The following DCC variants were observed in gnomAD, a reference collection of about 807,000 sequenced individuals.
The protein encoded by DCC is netrin receptor DCC.
A neutral mutation model predicts 172.5 loss-of-function variants in DCC; 58 were observed. The ratio of observed to expected loss-of-function variants is 0.34; its 90% CI spans 0.27 to 0.42. DCC has a LOEUF of 0.42. DCC is among the 10% of genes least tolerant of loss of function. The pLI, the probability that DCC is intolerant of heterozygous loss-of-function variation, is 1.00. For missense variants in DCC, 1,740 were observed against 1,791.0 expected (o/e 0.97, Z 0.51); for synonymous variants, 709 against 644.5 (o/e 1.10, Z -1.52).
At chr18:52,683,785 A>G (rs540805171) in intron 1 of DCC, among the ~76,000 whole-genome samples, 2 of 152,182 alleles carry the variant, frequency 1.3e-5, no homozygotes, top group African/African-American at 4.8e-5. Flanking sequence ...ACATCTCCCT[A>G]TGCTCAGTCA....
intron 1 of DCC, among the ~76,000 whole-genome samples, chr18:52,495,958 C>T (rs905328531): frequency 6.6e-6 from 1 of 151,912 alleles, no homozygotes; most frequent in Non-Finnish European, 1.5e-5. Context: ...ACCCTGCTTT[C>T]TATGTTTATA....
intron 25 of DCC, among the ~76,000 whole-genome samples, chr18:53,471,878 A>G (rs1435688996): frequency 1.3e-5 from 2 of 151,634 alleles, no homozygotes; most frequent in African/African-American, 2.4e-5. Flanking sequence ...GCATTACACT[A>G]TTCTATTTGT....
At chr18:53,395,299 A>G (rs1908855938) in intron 17 of DCC, among the ~76,000 whole-genome samples, 1 of 152,210 alleles carries the variant, frequency 6.6e-6, no homozygotes, top group South Asian at 2.1e-4. Flanking sequence ...AAACTCAGTA[A>G]TTCATGGTAT....
At chr18:53,370,625 T>G (rs962798786) in intron 15 of DCC, among the ~76,000 whole-genome samples, 2 of 151,922 alleles carry the variant, frequency 1.3e-5, no homozygotes, top group African/African-American at 2.4e-5. Context: ...CTTTGTTGTT[T>G]AAGAGTGTAT....
chr18:52,599,476 T>G (rs74397873), intron 1 of DCC, among the ~76,000 whole-genome samples: 1 of 152,088 alleles, frequency 6.6e-6, no homozygotes, highest in African/African-American at 2.4e-5. Flanking sequence ...TTTCACAGAT[T>G]TTTCACATGT....
Position 52,460,723 on chromosome 18 carries a change from A to T in DCC, c.91+119845A>T, listed in dbSNP as rs368770079. Among the ~76,000 whole-genome samples, 6 of 152,314 alleles carry T rather than the reference A, an allele frequency of 3.9e-5. 1 individual carries two copies. The South Asian group carries it at 1.0e-3, about 26-fold the overall frequency. ...GAATACTACAGGCAATTGCAACAAA[A>T]TGGTGTTTGTGTATCCAAAATATCT... On this transcript the variant is annotated intron_variant, in intron 1 of 28. Transcript: ENST00000442544.
chr18:53,152,753 G>C (rs1002265995), intron 7 of DCC, among the ~76,000 whole-genome samples: 1 of 152,184 alleles, frequency 6.6e-6, no homozygotes, highest in Non-Finnish European at 1.5e-5. Context: ...TCTTTATTGA[G>C]ACCTTATTTG....
chr18:53,341,348 A>G (rs2057657291), intron 15 of DCC, among the ~76,000 whole-genome samples: 1 of 152,198 alleles, frequency 6.6e-6, no homozygotes, highest in African/African-American at 2.4e-5. Context: ...TCGTTACCAA[A>G]AAAAACTTGC....
intron 21 of DCC, among the ~76,000 whole-genome samples, chr18:53,417,152 A>G (rs1233289924): frequency 1.3e-5 from 2 of 152,210 alleles, no homozygotes; most frequent in African/African-American, 4.8e-5. Context: ...TTCTTTCAAC[A>G]GGAATACTTT....
intron 1 of DCC, among the ~76,000 whole-genome samples, chr18:52,350,569 AC>A (rs1984076379): frequency 1.3e-5 from 2 of 152,106 alleles, no homozygotes; most frequent in African/African-American, 2.4e-5. Flanking sequence ...GAGAAATAAG[AC>A]AGGCTGATGG....
At chr18:52,863,245 A>G (rs2039171816) in intron 2 of DCC, among the ~76,000 whole-genome samples, 1 of 151,884 alleles carries the variant, frequency 6.6e-6, no homozygotes, top group Non-Finnish European at 1.5e-5. Context: ...TTTCTTATAC[A>G]CTTTGCATAC....
intron 27 of DCC, among the ~76,000 whole-genome samples, chr18:53,517,872 C>T (rs1036581056): frequency 4.6e-5 from 7 of 152,032 alleles, no homozygotes; most frequent in Admixed American, 2.0e-4. Flanking sequence ...GTTTGAAATT[C>T]GATCACTTAT....
chr18:53,494,461 TC>T (rs1378404316), intron 26 of DCC, among the ~76,000 whole-genome samples: 1 of 152,218 alleles, frequency 6.6e-6, no homozygotes, highest in Non-Finnish European at 1.5e-5. Flanking sequence ...TCTTTGTAGG[TC>T]TATAAGAACT....
At chr18:52,721,889 G>A (rs1389796483) in intron 1 of DCC, among the ~76,000 whole-genome samples, 1 of 152,110 alleles carries the variant, frequency 6.6e-6, no homozygotes, top group Non-Finnish European at 1.5e-5. Context: ...GCCGGGCATG[G>A]TGGCAGGCAC....
intron 5 of DCC, among the ~76,000 whole-genome samples, chr18:53,009,087 A>G (rs905319217): frequency 6.6e-6 from 1 of 151,876 alleles, no homozygotes; most frequent in African/African-American, 2.4e-5. Context: ...TCCTCATCTC[A>G]CAGTACCACA....
chr18:52,546,217 C>T (rs2032612305), intron 1 of DCC, among the ~76,000 whole-genome samples: 1 of 152,026 alleles, frequency 6.6e-6, no homozygotes, highest in Non-Finnish European at 1.5e-5. Context: ...AAAATAAGAT[C>T]ACGTTAGCAA....
intron 1 of DCC, among the ~76,000 whole-genome samples, chr18:52,629,125 T>A (rs1568263487): frequency 6.6e-6 from 1 of 152,202 alleles, no homozygotes; most frequent in Admixed American, 6.5e-5. Flanking sequence ...TGGAAGAAAT[T>A]TGAATTAATC....
chr18:53,523,876 C>T (rs1030222937), intron 27 of DCC, among the ~76,000 whole-genome samples: 9 of 151,796 alleles, frequency 5.9e-5, no homozygotes, highest in African/African-American at 2.2e-4. Flanking sequence ...ACATTCTGCA[C>T]ATGTACTCCA....
rs144912686 is a variant in DCC at position 53,009,028 on chromosome 18, A to T, written c.986-54277A>T. Among the ~76,000 whole-genome samples, 1,490 of 152,072 alleles carry T rather than the reference A, an allele frequency of 9.8e-3. 30 individuals are homozygous for T. Among genetic ancestry groups the T allele is most frequent in the African/African-American group, 0.035 (1,436 of 41,540 alleles). The stretch of plus-strand genomic sequence containing the variant: ...ACATTTAGGTTAAGATGATGAGAGT[A>T]GAATACTCTAATCATCATCATTAAT... On this transcript the variant is annotated intron_variant, in intron 5 of 28. Transcript: ENST00000442544.
Sources: gnomAD v4.1 joint callset for allele counts (sites outside exome capture counted in the v4.1 genomes callset) on GRCh38, gnomAD v4.1.1 for gene constraint, MANE v1.5 for transcripts, NCBI Gene and HGNC (gene_info 2026-07-23, HGNC 2026-07-21) for gene names.